THSD7B: variants seen among roughly 807,000 people sequenced by gnomAD.
THSD7B encodes the protein thrombospondin type-1 domain-containing protein 7B.
THSD7B carries 138 observed loss-of-function variants against 213.6 expected under a neutral mutation model. That is an observed-to-expected ratio of 0.65 (90% confidence interval 0.56 to 0.74). THSD7B has a LOEUF of 0.74. Among genes scored for constraint, THSD7B ranks in the 30% least tolerant of loss-of-function variants. The pLI, the probability that THSD7B is intolerant of heterozygous loss-of-function variation, is 0.00. For synonymous variants in THSD7B, 742 were observed against 687.0 expected (o/e 1.08, Z -1.25); for missense variants, 1,931 against 1,991.5 (o/e 0.97, Z 0.58).
intron 15 of THSD7B, among the ~76,000 whole-genome samples, chr2:137,518,102 C>T (rs111964456): frequency 7.1e-4 from 108 of 152,112 alleles, no homozygotes; most frequent in Non-Finnish European, 1.2e-3. Context: ...CAAGCAGTCC[C>T]GAAGGCACAA....
At chr2:136,947,271 A>G (rs1684959482) in intron 2 of THSD7B, among the ~76,000 whole-genome samples, 1 of 152,194 alleles carries the variant, frequency 6.6e-6, no homozygotes. Context: ...GAGATGAGAG[A>G]TGGAATGGTA....
At chr2:137,575,348 G>A (rs1024848922) in intron 17 of THSD7B, among the ~76,000 whole-genome samples, 2 of 152,000 alleles carry the variant, frequency 1.3e-5, no homozygotes, top group East Asian at 3.9e-4. Flanking sequence ...CATTTTTTAA[G>A]CTATACAGGA....
chr2:137,414,528 G>T (rs142607111), intron 14 of THSD7B, among the ~76,000 whole-genome samples: 211 of 151,974 alleles, frequency 1.4e-3, no homozygotes, highest in African/African-American at 4.8e-3. Context: ...AGACAAGCCT[G>T]GTCAACATAG....
chr2:137,337,487 T>G (rs1182351889), intron 12 of THSD7B, among the ~76,000 whole-genome samples: 4 of 152,154 alleles, frequency 2.6e-5, no homozygotes, highest in African/African-American at 9.6e-5. Flanking sequence ...CAGATTAATT[T>G]TGATCACTTT....
chr2:137,479,470 G>T (rs1688257400), intron 15 of THSD7B: 1 of 408,572 alleles, frequency 2.4e-6, no homozygotes, highest in Non-Finnish European at 4.9e-6. Context: ...TCAGGTCCCT[G>T]TCAGAATGCT....
chr2:137,076,695 G>T (rs993236796), intron 3 of THSD7B, among the ~76,000 whole-genome samples: 1 of 152,198 alleles, frequency 6.6e-6, no homozygotes, highest in Non-Finnish European at 1.5e-5. Flanking sequence ...GCTGGGAGCT[G>T]TAGACCGGAG....
intron 15 of THSD7B, among the ~76,000 whole-genome samples, chr2:137,460,471 G>T (rs1241934584): frequency 6.6e-6 from 1 of 151,930 alleles, no homozygotes; most frequent in African/African-American, 2.4e-5. Flanking sequence ...TATGCAGATT[G>T]CTCCTCTTTT....
chr2:137,420,939 T>G (rs543169608), intron 14 of THSD7B, among the ~76,000 whole-genome samples: 1 of 152,294 alleles, frequency 6.6e-6, no homozygotes, highest in East Asian at 1.9e-4. Context: ...TAGAGTTGCA[T>G]TCCTTGCATT....
rs867010842 is a variant in THSD7B at position 137,108,891 on chromosome 2, G to C, written c.1200-6233G>C. Among the ~76,000 whole-genome samples the C allele has an allele frequency of 2.6e-5, 4 of 152,100 alleles. 1 individual carries two copies. In the South Asian group the frequency reaches 6.2e-4, roughly 24 times the overall value. ...AAATGAAATTTCACAGCTATAATAC[G>C]TGGTGTCCTTAATATTTGTGATTTT... On this transcript the variant is annotated intron_variant, in intron 4 of 27. Transcript: ENST00000409968.
intron 1 of THSD7B, among the ~76,000 whole-genome samples, chr2:136,828,137 C>T (rs569560796): frequency 5.3e-5 from 8 of 152,284 alleles, no homozygotes; most frequent in African/African-American, 1.9e-4. Context: ...CCTGACCCCA[C>T]ATGCCACCTG....
intron 17 of THSD7B, among the ~76,000 whole-genome samples, chr2:137,591,855 A>T (rs945897228): frequency 1.3e-5 from 2 of 151,718 alleles, no homozygotes; most frequent in Admixed American, 1.3e-4. Flanking sequence ...CTGGGATTTT[A>T]TTCTGTCTAA....
At chr2:137,049,440 C>T (rs1479683257) in intron 2 of THSD7B, among the ~76,000 whole-genome samples, 1 of 152,218 alleles carries the variant, frequency 6.6e-6, no homozygotes, top group Non-Finnish European at 1.5e-5. Context: ...TCTTTGATCT[C>T]ATGCATTGAT....
chr2:137,171,654 C>T (rs1680255051), intron 7 of THSD7B, among the ~76,000 whole-genome samples: 1 of 152,156 alleles, frequency 6.6e-6, no homozygotes, highest in African/African-American at 2.4e-5. Context: ...TATTAATCAG[C>T]TCTGCCATGA....
chr2:137,616,262 G>A lies in THSD7B; in HGVS notation c.3511G>A (p.Val1171Met), dbSNP rs768779794. 1.2e-6 allele frequency: 2 copies of A among 1,613,706 alleles called. No individual in the cohort carries two copies. Among genetic ancestry groups the A allele is most frequent in the East Asian group, 4.5e-5 (2 of 44,868 alleles). The change falls in exon 18 of 28, where the codon GTG becomes ATG. Residue 1171 changes from valine to methionine, a missense_variant. Transcript: ENST00000409968. ...AAGGACTTGTGCTGAAGACTCACAG[G>A]TGCAGCCTTGCCTCCTGAATGAAAA... is the stretch of plus-strand genomic sequence containing the variant. ...NSRTCAEDSQ[V>M]QPCLLNENCF...
intron 12 of THSD7B, among the ~76,000 whole-genome samples, chr2:137,374,397 T>C (rs1685604393): frequency 6.6e-6 from 1 of 152,218 alleles, no homozygotes; most frequent in Non-Finnish European, 1.5e-5. Context: ...GACACTATTT[T>C]ATTCTTTCCC....
chr2:137,422,116 G>C (rs1686942101), intron 14 of THSD7B, among the ~76,000 whole-genome samples: 1 of 152,174 alleles, frequency 6.6e-6, no homozygotes, highest in Non-Finnish European at 1.5e-5. Context: ...CATTCGCAGA[G>C]TGTTATTTTC....
At chr2:137,177,029 A>G (rs1276454646) in intron 7 of THSD7B, among the ~76,000 whole-genome samples, 4 of 152,216 alleles carry the variant, frequency 2.6e-5, no homozygotes, top group Admixed American at 2.6e-4. Flanking sequence ...ACAAAATCCA[A>G]TTCAAATCAT....
At chr2:137,618,113 C>T (rs1247966267) in intron 18 of THSD7B, among the ~76,000 whole-genome samples, 3 of 152,144 alleles carry the variant, frequency 2.0e-5, no homozygotes, top group Admixed American at 1.3e-4. Flanking sequence ...AGTATCTTTC[C>T]TCTTCTACTC....
rs759421001 is a variant in THSD7B, at chr2:137,645,761, G to A, written c.3945+3128G>A. Among the ~76,000 whole-genome samples, 88 of 151,678 alleles carry A rather than the reference G, an allele frequency of 5.8e-4. 1 individual carries two copies. Among genetic ancestry groups the A allele is most frequent in the Admixed American group, 9.8e-4 (15 of 15,252 alleles). ...TTCAAAACTTTCAAATTTCATGTAT[G>A]TTACAGTATCTTTAAACGCTTCTTT... On this transcript the variant is annotated intron_variant, in intron 21 of 27. Coordinates refer to ENST00000409968, the MANE Select transcript of THSD7B (RefSeq NM_001316349.2).
Sources: gnomAD v4.1 joint callset for allele counts (sites outside exome capture counted in the v4.1 genomes callset) on GRCh38, gnomAD v4.1.1 for gene constraint, MANE v1.5 for transcripts, NCBI Gene and HGNC (gene_info 2026-07-23, HGNC 2026-07-21) for gene names.